Variants in DYNC2I1 observed in about 807,000 individuals in gnomAD.
DYNC2I1 encodes the protein dynein 2 intermediate chain 1, also known as cytoplasmic dynein 2 intermediate chain 1.
A neutral mutation model predicts 133.4 loss-of-function variants in DYNC2I1; 89 were observed. That is an observed-to-expected ratio of 0.67 (90% CI 0.56 to 0.80). The LOEUF (loss-of-function observed/expected upper bound fraction) is 0.80. DYNC2I1 is among the 30% of genes least tolerant of loss of function. The probability of loss-of-function intolerance (pLI) is 0.00; values close to 1 mark genes in which losing one functional copy is unlikely to be tolerated. For synonymous variants in DYNC2I1, 504 were observed against 484.3 expected, an observed-to-expected ratio of 1.04 and a Z score of -0.54; for missense variants, 1,291 against 1,314.5, an observed-to-expected ratio of 0.98 and a Z score of 0.28.
At chr7:158,952,057 C>T (rs533825734) in intron 4 of DYNC2I1, among the ~76,000 whole-genome samples, 18 of 152,264 alleles carry the variant, frequency 1.2e-4, no homozygotes, top group East Asian at 1.9e-4. Context: ...TCATGGGGCC[C>T]GAAGCCATGG....
chr7:158,949,412 C>G (rs1014348936), downstream of DYNC2I1, among the ~76,000 whole-genome samples: 12 of 152,228 alleles, frequency 7.9e-5, no homozygotes, highest in Non-Finnish European at 1.5e-4. Context: ...GTAGACAGTC[C>G]CCACTCACTC....
At chr7:158,922,670 T>C (rs759977352) in intron 16 of DYNC2I1, 121 bp downstream of exon 16, 72 of 951,170 alleles carry the variant, frequency 7.6e-5, no homozygotes, top group East Asian at 1.3e-4. Flanking sequence ...TAGGGACTTA[T>C]GGGCCATTCT....
At chr7:158,869,482 A>G (rs75866849) in intron 1 of DYNC2I1, 1 of 473,318 alleles carries the variant, frequency 2.1e-6, no homozygotes, top group South Asian at 1.5e-5. Context: ...TGTGCACAGC[A>G]TTTGGGACGT....
chr7:158,890,293 A>G (rs1369351648), intron 7 of DYNC2I1, among the ~76,000 whole-genome samples: 1 of 152,202 alleles, frequency 6.6e-6, no homozygotes. Flanking sequence ...TGAGGTAACC[A>G]ATGGGATATT....
At chr7:158,946,879 C>T (rs544012263), downstream of DYNC2I1, among the ~76,000 whole-genome samples, 10 of 152,310 alleles carry the variant, frequency 6.6e-5, no homozygotes, top group Admixed American at 2.6e-4. Context: ...AGATCACCTC[C>T]GCTTACTTGT....
chr7:158,895,700 G>A (rs557278001), intron 8 of DYNC2I1, among the ~76,000 whole-genome samples: 2 of 152,192 alleles, frequency 1.3e-5, no homozygotes, highest in Non-Finnish European at 2.9e-5. Context: ...CGATTGCATG[G>A]AATCTATAGG....
intron 10 of DYNC2I1, chr7:158,904,578 A>G (rs999806708): frequency 1.7e-4 from 26 of 152,404 alleles, no homozygotes; most frequent in African/African-American, 6.3e-4. Context: ...GGATGTCTTT[A>G]TTCAAGTCTT....
the DYNC2I1 span, among the ~76,000 whole-genome samples, chr7:158,849,365 C>A: frequency 2.2e-4 from 34 of 152,326 alleles, 2 homozygotes; most frequent in East Asian, 6.6e-3. Context: ...GAAGGCATGT[C>A]AGTCTGCCCT....
chr7:158,937,876 G>A (rs1850925808), intron 23 of DYNC2I1, among the ~76,000 whole-genome samples: 2 of 152,106 alleles, frequency 1.3e-5, no homozygotes, highest in African/African-American at 4.8e-5. Flanking sequence ...CTCCAGCCTG[G>A]GTGACAGAGT....
intron 4 of DYNC2I1, among the ~76,000 whole-genome samples, chr7:158,952,712 A>G (rs560281106): frequency 6.8e-5 from 10 of 148,060 alleles, no homozygotes; most frequent in African/African-American, 1.5e-4. Context: ...CCCCAGCCGC[A>G]TCGTAAGACA....
chr7:158,928,489 G>C (rs939532585), intron 20 of DYNC2I1, among the ~76,000 whole-genome samples: 1 of 152,152 alleles, frequency 6.6e-6, no homozygotes, highest in African/African-American at 2.4e-5. Flanking sequence ...ACACGTCTGT[G>C]GTGGCCCTTA....
chr7:158,902,694 G>A (rs1457106195), intron 10 of DYNC2I1, 99 bp downstream of exon 10: 1 of 1,089,044 alleles, frequency 9.2e-7, no homozygotes, highest in African/African-American at 1.6e-5. Context: ...CTAATAAGGT[G>A]GGTGGAGCAG....
the DYNC2I1 span, among the ~76,000 whole-genome samples, chr7:158,845,645 C>CT: frequency 6.6e-6 from 1 of 152,142 alleles, no homozygotes; most frequent in African/African-American, 2.4e-5. Flanking sequence ...TTAACCTTAA[C>CT]TTTATTACTT....
At chr7:158,953,609 A>T (rs262146) in intron 4 of DYNC2I1, among the ~76,000 whole-genome samples, 2 of 151,992 alleles carry the variant, frequency 1.3e-5, no homozygotes, top group Non-Finnish European at 2.9e-5. Context: ...GCTGGGGGCG[A>T]ATGGTGGCAC....
intron 1 of DYNC2I1, among the ~76,000 whole-genome samples, chr7:158,860,322 G>T (rs1167986278): frequency 6.6e-6 from 1 of 152,186 alleles, no homozygotes; most frequent in Non-Finnish European, 1.5e-5. Context: ...GTCTCCCAAA[G>T]TGCTGGGATT....
intron 20 of DYNC2I1, among the ~76,000 whole-genome samples, chr7:158,928,128 T>C (rs1185883121): frequency 1.3e-5 from 2 of 152,118 alleles, no homozygotes; most frequent in South Asian, 2.1e-4. Flanking sequence ...AGAGCAGAAG[T>C]GACTTGAAGC....
At chr7:158,868,448 T>A (rs1435912985) in intron 1 of DYNC2I1, among the ~76,000 whole-genome samples, 1 of 152,238 alleles carries the variant, frequency 6.6e-6, no homozygotes, top group African/African-American at 2.4e-5. Flanking sequence ...AAAGGTGGAT[T>A]ATCCAACGAG....
intron 8 of DYNC2I1, among the ~76,000 whole-genome samples, chr7:158,894,099 GTGCATATCCTAC>G (rs1170705609): frequency 6.9e-4 from 3 of 4,358 alleles, no homozygotes; most frequent in African/African-American, 1.9e-3. Flanking sequence ...GTATAGCAAA[GTGCATATCCTAC>G]TGCATATCCT....
At chr7:158,914,731 G>A (rs927489961) in intron 14 of DYNC2I1, among the ~76,000 whole-genome samples, 2 of 152,164 alleles carry the variant, frequency 1.3e-5, no homozygotes, top group Non-Finnish European at 2.9e-5. Flanking sequence ...ACATGGAACA[G>A]TCCTGTGAAG....
Sources: allele counts gnomAD v4.1 joint callset (sites outside exome capture counted in the v4.1 genomes callset), GRCh38; gene constraint gnomAD v4.1.1; transcripts MANE v1.5; gene names NCBI Gene and HGNC (gene_info 2026-07-23, HGNC 2026-07-21).